Variants in ROBO1 observed in about 807,000 individuals in gnomAD.
ROBO1 encodes roundabout guidance receptor 1, also known as roundabout homolog 1.
A neutral mutation model predicts 195.9 loss-of-function variants in ROBO1; 149 were observed. That is an observed-to-expected ratio of 0.76 (90% confidence interval 0.67 to 0.87). ROBO1 has a LOEUF of 0.87. ROBO1 is among the 40% of genes least tolerant of loss of function. ROBO1 has a pLI of 0.00. For missense variants in ROBO1, 1,933 were observed against 2,068.3 expected, an observed-to-expected ratio of 0.93 and a Z score of 1.27; for synonymous variants, 816 against 733.2, an observed-to-expected ratio of 1.11 and a Z score of -1.82.
At chr3:78,903,221 T>C (rs2037692033) in intron 4 of ROBO1, among the ~76,000 whole-genome samples, 1 of 152,116 alleles carries the variant, frequency 6.6e-6, no homozygotes, top group Non-Finnish European at 1.5e-5. Context: ...TTTTTAATCC[T>C]TTTTTGCAAC....
chr3:78,709,096 C>G (rs558884603), intron 8 of ROBO1, among the ~76,000 whole-genome samples: 1 of 152,238 alleles, frequency 6.6e-6, no homozygotes, highest in South Asian at 2.1e-4. Context: ...TGTAACAACA[C>G]TGATGGTTAA....
intron 8 of ROBO1, among the ~76,000 whole-genome samples, chr3:78,702,062 A>G (rs934334876): frequency 6.6e-6 from 1 of 152,220 alleles, no homozygotes; most frequent in Non-Finnish European, 1.5e-5. Context: ...TTTAAAAACT[A>G]AAAAAGAATT....
At chr3:79,464,520 A>T (rs984033461) in intron 2 of ROBO1, among the ~76,000 whole-genome samples, 4 of 152,176 alleles carry the variant, frequency 2.6e-5, no homozygotes, top group Non-Finnish European at 5.9e-5. Context: ...ATGATATTAA[A>T]CATCTTTTCA....
intron 4 of ROBO1, among the ~76,000 whole-genome samples, chr3:78,820,349 T>A (rs2030758600): frequency 6.6e-6 from 1 of 152,202 alleles, no homozygotes; most frequent in South Asian, 2.1e-4. Flanking sequence ...TGGATACTAT[T>A]ATCTACATTT....
At chr3:78,800,045 C>T (rs2084317271) in intron 4 of ROBO1, among the ~76,000 whole-genome samples, 1 of 152,164 alleles carries the variant, frequency 6.6e-6, no homozygotes, top group South Asian at 2.1e-4. Flanking sequence ...TTAAAGTAGA[C>T]ATTCTGGACA....
At chr3:79,747,491 T>C (rs575822221) in intron 1 of ROBO1, among the ~76,000 whole-genome samples, 1 of 152,124 alleles carries the variant, frequency 6.6e-6, no homozygotes, top group South Asian at 2.1e-4. Flanking sequence ...AAGAAGAAAT[T>C]GGGAAGTAAA....
chr3:78,826,264 T>C (rs1251437406), intron 4 of ROBO1, among the ~76,000 whole-genome samples: 2 of 152,206 alleles, frequency 1.3e-5, no homozygotes, highest in African/African-American at 2.4e-5. Flanking sequence ...CACATTATAT[T>C]CTACAGAATA....
intron 4 of ROBO1, among the ~76,000 whole-genome samples, chr3:78,892,141 C>T (rs1176867477): frequency 6.6e-6 from 1 of 152,188 alleles, no homozygotes; most frequent in Non-Finnish European, 1.5e-5. Flanking sequence ...AGGCAGATCG[C>T]TTGAGCTCAG....
chr3:78,882,064 T>TA (rs930498675), intron 4 of ROBO1, among the ~76,000 whole-genome samples: 10 of 147,504 alleles, frequency 6.8e-5, no homozygotes, highest in African/African-American at 1.7e-4. Context: ...TAATAGTATG[T>TA]AAAAAAAAGT....
intron 3 of ROBO1, among the ~76,000 whole-genome samples, chr3:79,079,121 C>G (rs1324495464): frequency 6.6e-6 from 1 of 151,636 alleles, no homozygotes; most frequent in Non-Finnish European, 1.5e-5. Flanking sequence ...GACATTTGAT[C>G]TGGAGATAAT....
chr3:79,588,501 A>G (rs1371880909), intron 2 of ROBO1, among the ~76,000 whole-genome samples: 1 of 151,738 alleles, frequency 6.6e-6, no homozygotes, highest in Non-Finnish European at 1.5e-5. Context: ...CCTAGGCTGT[A>G]TCTGTATCTG....
At chr3:78,968,874 T>C (rs1560063150) in intron 3 of ROBO1, among the ~76,000 whole-genome samples, 1 of 152,172 alleles carries the variant, frequency 6.6e-6, no homozygotes, top group South Asian at 2.1e-4. Context: ...CAGGCACAAA[T>C]AGGCACCAGT....
intron 1 of ROBO1, among the ~76,000 whole-genome samples, chr3:79,703,899 T>C (rs2107177489): frequency 6.6e-6 from 1 of 152,136 alleles, no homozygotes; most frequent in South Asian, 2.1e-4. Flanking sequence ...AAAGAGAGTC[T>C]TTGATGAAGA....
chr3:78,995,631 C>T (rs1016160507), intron 3 of ROBO1, among the ~76,000 whole-genome samples: 5 of 148,978 alleles, frequency 3.4e-5, no homozygotes, highest in South Asian at 2.1e-4. Context: ...CTGAAGACAA[C>T]GGCTCAGGCT....
Position 79,683,145 on chromosome 3 carries a change from C to T in ROBO1, c.-51+84607G>A, listed in dbSNP as rs547994578. Among the ~76,000 whole-genome samples the T allele has an allele frequency of 4.6e-5, 7 of 151,928 alleles. No individual in the cohort carries two copies. In the South Asian group the frequency reaches 1.0e-3, roughly 22 times the overall value. On this transcript the variant is annotated intron_variant, in intron 1 of 30. Transcript: ENST00000464233. The stretch of plus-strand genomic sequence containing the variant: ...TTCTATCTTTGGTAAACCCTGCAAA[C>T]CCCTGCATTTCAAGTGGAAAAAACA...
intron 2 of ROBO1, among the ~76,000 whole-genome samples, chr3:79,428,320 A>G (rs1575813069): frequency 1.3e-5 from 2 of 152,214 alleles, no homozygotes; most frequent in Non-Finnish European, 2.9e-5. Context: ...TATAAAAATA[A>G]ATAAAATGGA....
intron 23 of ROBO1, 80 bp downstream of exon 23, chr3:78,635,693 C>A (rs1705450635): frequency 8.1e-7 from 1 of 1,233,960 alleles, no homozygotes; most frequent in Admixed American, 2.3e-5. Flanking sequence ...ACTTGCTAGT[C>A]GCAGACAAGT....
At chr3:79,031,037 C>T (rs1347547663) in intron 3 of ROBO1, among the ~76,000 whole-genome samples, 1 of 152,110 alleles carries the variant, frequency 6.6e-6, no homozygotes, top group Non-Finnish European at 1.5e-5. Flanking sequence ...ATGTTATTTA[C>T]CTTCATGCAT....
In ROBO1 at chr3:79,618,929, G is replaced by A. The variant is rs557731667; in HGVS notation, c.-50-28968C>T. Among the ~76,000 whole-genome samples the A allele has an allele frequency of 5.9e-5, 9 of 152,196 alleles. No individual in the cohort carries two copies. The East Asian group carries it at 7.8e-4, about 13-fold the overall frequency. On this transcript the variant is annotated intron_variant, in intron 1 of 30. Transcript: ENST00000464233. ...GAGAAAAAGGAGACACATTTTATCC[G>A]TGGACCCAAAACTCCAGCGCCAGTC...
Sources: gnomAD v4.1 joint callset for allele counts (sites outside exome capture counted in the v4.1 genomes callset) on GRCh38, gnomAD v4.1.1 for gene constraint, MANE v1.5 for transcripts, NCBI Gene and HGNC (gene_info 2026-07-23, HGNC 2026-07-21) for gene names.